The following TRAPPC9 variants were observed in gnomAD, a reference collection of about 807,000 sequenced individuals.
TRAPPC9 encodes the protein trafficking protein particle complex subunit 9, also known as IKK2 binding protein.
Under a neutral mutation model 124.0 loss-of-function variants are expected in TRAPPC9, and 83 were observed. That is an observed-to-expected ratio of 0.67 (90% confidence interval 0.56 to 0.80). The LOEUF (loss-of-function observed/expected upper bound fraction) is 0.80, where lower values mean the gene tolerates loss of function less well. Ranked by LOEUF, TRAPPC9 falls within the 30% of genes least tolerant of loss-of-function variation. The probability of loss-of-function intolerance (pLI) is 0.00; values close to 1 mark genes in which losing one functional copy is unlikely to be tolerated. For missense variants in TRAPPC9, 1,302 were observed against 1,508.3 expected (o/e 0.86, Z 2.27); for synonymous variants, 638 against 617.5 (o/e 1.03, Z -0.49).
At chr8:140,062,697 C>T (rs1180352110) in intron 17 of TRAPPC9, among the ~76,000 whole-genome samples, 3 of 152,142 alleles carry the variant, frequency 2.0e-5, no homozygotes, top group African/African-American at 7.2e-5. Flanking sequence ...AGATGAGCTC[C>T]TATGGGGAGC....
chr8:140,054,661 G>A lies in TRAPPC9; in HGVS notation c.2557-30582C>T, dbSNP rs569535811. On this transcript the variant is annotated intron_variant, in intron 17 of 22. Coordinates refer to ENST00000438773, the MANE Select transcript of TRAPPC9 (RefSeq NM_001160372.4). ...CAAGCCTTTAGTGGGACTAAAAAACGAAGAAGAAAAGATGACTCAAATAAA... is the reference window on the plus strand; with the variant it reads ...CAAGCCTTTAGTGGGACTAAAAAACAAAGAAGAAAAGATGACTCAAATAAA... Among the ~76,000 whole-genome samples, 24 of 152,142 alleles carry A rather than the reference G, an allele frequency of 1.6e-4. 1 individual carries two copies. In the South Asian group the frequency reaches 2.7e-3, roughly 17 times the overall value.
At chr8:140,028,165 T>C (rs1401486994) in intron 17 of TRAPPC9, among the ~76,000 whole-genome samples, 2 of 151,956 alleles carry the variant, frequency 1.3e-5, no homozygotes, top group South Asian at 2.1e-4. Context: ...TATGGTCTTA[T>C]TAATAATAAG....
At chr8:140,403,459 T>C (rs1333529418) in intron 6 of TRAPPC9, among the ~76,000 whole-genome samples, 1 of 151,680 alleles carries the variant, frequency 6.6e-6, no homozygotes, top group East Asian at 1.9e-4. Context: ...TTTCTAAGCA[T>C]AATGCCAAAC....
At chr8:140,373,516 A>C (rs931843468) in intron 7 of TRAPPC9, among the ~76,000 whole-genome samples, 1 of 152,120 alleles carries the variant, frequency 6.6e-6, no homozygotes, top group African/African-American at 2.4e-5. Flanking sequence ...TGGACTCCAT[A>C]ATGTCCTTTC....
At chr8:139,779,197 T>A (rs1204266524) in intron 21 of TRAPPC9, among the ~76,000 whole-genome samples, 1 of 152,082 alleles carries the variant, frequency 6.6e-6, no homozygotes, top group East Asian at 1.9e-4. Context: ...GGGGACAACA[T>A]CTTTAAGTGC....
At chr8:139,927,664 T>C (rs780174316) in intron 19 of TRAPPC9, among the ~76,000 whole-genome samples, 12 of 152,246 alleles carry the variant, frequency 7.9e-5, no homozygotes, top group Non-Finnish European at 1.3e-4. Flanking sequence ...GGAATGGTTA[T>C]GGCAGCTTTA....
chr8:139,856,448 C>A (rs759064081), intron 21 of TRAPPC9, among the ~76,000 whole-genome samples: 1 of 152,104 alleles, frequency 6.6e-6, no homozygotes, highest in South Asian at 2.1e-4. Context: ...GACCGGGAGG[C>A]CAGGAGACTT....
At chr8:140,336,564 C>T (rs573245692) in intron 9 of TRAPPC9, among the ~76,000 whole-genome samples, 26 of 152,348 alleles carry the variant, frequency 1.7e-4, no homozygotes, top group African/African-American at 5.5e-4. Flanking sequence ...GTAACGCACA[C>T]CCTCATCCAA....
intron 17 of TRAPPC9, among the ~76,000 whole-genome samples, chr8:140,068,635 C>T (rs941583091): frequency 6.6e-6 from 1 of 152,230 alleles, no homozygotes; most frequent in Admixed American, 6.5e-5. Flanking sequence ...TGGATGATCA[C>T]CTGCCTTATG....
At chr8:139,975,630 G>A (rs1269128986) in intron 19 of TRAPPC9, among the ~76,000 whole-genome samples, 1 of 152,078 alleles carries the variant, frequency 6.6e-6, no homozygotes, top group Non-Finnish European at 1.5e-5. Flanking sequence ...GCCAGCCAAG[G>A]TCCTCTAGGA....
chr8:139,762,238 T>C (rs1434314733), intron 21 of TRAPPC9, among the ~76,000 whole-genome samples: 2 of 151,940 alleles, frequency 1.3e-5, no homozygotes, highest in African/African-American at 4.8e-5. Flanking sequence ...TGCAAAAGTG[T>C]CCTGAAGTGC....
At chr8:140,275,504 C>G (rs1217461831) in intron 15 of TRAPPC9, among the ~76,000 whole-genome samples, 154 bp downstream of exon 15, 2 of 152,224 alleles carry the variant, frequency 1.3e-5, no homozygotes, top group Non-Finnish European at 2.9e-5. Context: ...TGCACTCAAG[C>G]TCTCAGCCTG....
intron 2 of TRAPPC9, among the ~76,000 whole-genome samples, chr8:140,443,349 T>C (rs568018781): frequency 1.3e-5 from 2 of 150,748 alleles, no homozygotes; most frequent in South Asian, 4.2e-4. Context: ...GGCAGGAGAA[T>C]GGTGTGAACC....
At chr8:139,934,571 C>A (rs1380329872) in intron 19 of TRAPPC9, among the ~76,000 whole-genome samples, 1 of 152,198 alleles carries the variant, frequency 6.6e-6, no homozygotes, top group Non-Finnish European at 1.5e-5. Flanking sequence ...CAGCCCCTGT[C>A]TGAGTCATCA....
chr8:139,786,024 T>C (rs1215143816), intron 21 of TRAPPC9, among the ~76,000 whole-genome samples: 2 of 151,850 alleles, frequency 1.3e-5, no homozygotes, highest in Non-Finnish European at 2.9e-5. Flanking sequence ...CTGGCCAACA[T>C]GGTGAAACCC....
At chr8:139,759,532 G>C (rs969681680) in intron 21 of TRAPPC9, among the ~76,000 whole-genome samples, 1 of 152,170 alleles carries the variant, frequency 6.6e-6, no homozygotes, top group Non-Finnish European at 1.5e-5. Context: ...GAAAGATATG[G>C]AGAGGACAGA....
At chr8:140,226,698 G>A (rs2063462015) in intron 16 of TRAPPC9, among the ~76,000 whole-genome samples, 1 of 151,580 alleles carries the variant, frequency 6.6e-6, no homozygotes, top group African/African-American at 2.4e-5. Flanking sequence ...AGATACCCTG[G>A]GCAACACACA....
chr8:140,315,518 AT>A (rs1375105242), intron 9 of TRAPPC9, among the ~76,000 whole-genome samples: 1 of 152,120 alleles, frequency 6.6e-6, no homozygotes, highest in African/African-American at 2.4e-5. Context: ...AATTGGTTTC[AT>A]GCTATTTTAT....
At chr8:140,422,063 G>A (rs2070234761) in intron 5 of TRAPPC9, among the ~76,000 whole-genome samples, 2 of 129,106 alleles carry the variant, frequency 1.5e-5, no homozygotes, top group South Asian at 2.5e-4. Context: ...CCTAAAAAAA[G>A]CAATAGAGTA....
Sources: allele counts gnomAD v4.1 joint callset (sites outside exome capture counted in the v4.1 genomes callset), GRCh38; gene constraint gnomAD v4.1.1; transcripts MANE v1.5; gene names NCBI Gene and HGNC (gene_info 2026-07-23, HGNC 2026-07-21).